Variants in DENND5B observed in about 807,000 individuals in gnomAD.
DENND5B encodes the protein DENN domain containing 5B, also known as DENN domain-containing protein 5B.
DENND5B carries 34 observed loss-of-function variants against 140.6 expected under a neutral mutation model. The observed-to-expected ratio is 0.24, with a 90% CI of 0.18 to 0.32. The LOEUF (loss-of-function observed/expected upper bound fraction) is 0.32. Among genes scored for constraint, DENND5B ranks in the 10% least tolerant of loss-of-function variants. The probability of loss-of-function intolerance (pLI) is 1.00; values close to 1 mark genes in which losing one functional copy is unlikely to be tolerated. For missense variants in DENND5B, 1,142 were observed against 1,560.2 expected (o/e 0.73, Z 4.52); for synonymous variants, 551 against 562.1 (o/e 0.98, Z 0.28).
intron 3 of DENND5B, among the ~76,000 whole-genome samples, chr12:31,463,497 C>T (rs372326633): frequency 3.9e-5 from 6 of 151,962 alleles, no homozygotes; most frequent in African/African-American, 7.3e-5. Context: ...TATTTTTGAA[C>T]GAATAGATGA....
At chr12:31,414,878 CGA>C (rs1325490070) in intron 12 of DENND5B, among the ~76,000 whole-genome samples, 1 of 149,088 alleles carries the variant, frequency 6.7e-6, no homozygotes, top group Non-Finnish European at 1.5e-5. Context: ...GCTGAGATCA[CGA>C]CACTGCACTC....
rs149618191 is a variant in DENND5B at position 31,501,078 on chromosome 12, A to G, written c.128-5159T>C. ...TGGGGATGGGATACCTCAACAGAAAAAAGACTGATATGGTTTGGCTATGTC... is the reference window on the plus strand; with the variant it reads ...TGGGGATGGGATACCTCAACAGAAAGAAGACTGATATGGTTTGGCTATGTC... On this transcript the variant is annotated intron_variant, in intron 1 of 20. Transcript: ENST00000389082. 2.3e-3 allele frequency among the ~76,000 whole-genome samples: 348 copies of G among 152,276 alleles called. 4 individuals carry two copies. Among genetic ancestry groups the G allele is most frequent in the African/African-American group, 7.6e-3 (316 of 41,542 alleles).
intron 8 of DENND5B, 200 bp from the exon 9 acceptor site, chr12:31,426,624 T>G: frequency 2.0e-6 from 1 of 493,782 alleles, no homozygotes; most frequent in East Asian, 3.6e-5. Context: ...TTAACTCCTG[T>G]GAGAAGTAAA....
At chr12:31,411,222 G>C (rs1243372690) in intron 13 of DENND5B, among the ~76,000 whole-genome samples, 3 of 151,562 alleles carry the variant, frequency 2.0e-5, no homozygotes, top group Non-Finnish European at 4.4e-5. Context: ...ATTTTTAGTA[G>C]AGATGGGGTT....
chr12:31,387,529 G>C lies in DENND5B; in HGVS notation c.*74C>G. ...GCTGCCCCTGCAGTGACTCACTACT[G>C]TCAGACAAGTCCAAATCGGTCCCCT... On this transcript the variant is annotated 3_prime_UTR_variant, in exon 21 of 21. Transcript: ENST00000389082. 1 of 1,513,748 alleles carries C rather than the reference G, an allele frequency of 6.6e-7. No individual in the cohort carries two copies. Among genetic ancestry groups the C allele is most frequent in the East Asian group, 2.3e-5 (1 of 43,842 alleles). The allele number at this position is 1,513,748 out of a possible 1,614,324, so 93.8% of individuals were successfully genotyped here. A position where few individuals can be genotyped will look rare whatever the true frequency, so the allele number is the denominator to read the frequency against.
At chr12:31,389,179 G>A in intron 20 of DENND5B, 145 bp downstream of exon 20, 1 of 716,704 alleles carries the variant, frequency 1.4e-6, no homozygotes, top group Non-Finnish European at 2.1e-6. Flanking sequence ...CCTAGGCGAT[G>A]GAGTGAGACT....
At chr12:31,446,179 T>C (rs1049933390) in intron 6 of DENND5B, among the ~76,000 whole-genome samples, 6 of 152,062 alleles carry the variant, frequency 3.9e-5, no homozygotes, top group African/African-American at 1.4e-4. Flanking sequence ...GACGGAGTCT[T>C]GCTCTGTTGC....
intron 1 of DENND5B, among the ~76,000 whole-genome samples, chr12:31,513,682 G>T (rs1947510706): frequency 6.6e-6 from 1 of 151,920 alleles, no homozygotes; most frequent in African/African-American, 2.4e-5. Context: ...GGGTTTTTGA[G>T]CACTTCCTTA....
intron 1 of DENND5B, among the ~76,000 whole-genome samples, chr12:31,567,526 A>G (rs865780703): frequency 2.3e-4 from 1 of 4,356 alleles, no homozygotes; most frequent in Non-Finnish European, 5.8e-4. Context: ...GACTCTGTCT[A>G]AAAAAAAAAA....
In DENND5B at chr12:31,544,015, C is replaced by G. The variant is rs967180201; in HGVS notation, c.127+46691G>C. ...CCTGTCTCTACTAAAAATACAAAAA[C>G]TAGTCAGGCATGGTGGCACAAGCCT... On this transcript the variant is annotated intron_variant, in intron 1 of 20. Coordinates refer to ENST00000389082, the MANE Select transcript of DENND5B (RefSeq NM_144973.4). Among the ~76,000 whole-genome samples, 4 of 152,122 alleles carry G rather than the reference C, an allele frequency of 2.6e-5. No individual in the cohort carries two copies. The South Asian group carries it at 8.3e-4, about 32-fold the overall frequency.
intron 14 of DENND5B, among the ~76,000 whole-genome samples, chr12:31,408,981 G>A (rs947490622): frequency 1.3e-5 from 2 of 152,160 alleles, no homozygotes; most frequent in Admixed American, 6.6e-5. Context: ...GGTGAGCTCC[G>A]GGACAGCCCT....
chr12:31,530,473 A>C (rs2139078624), intron 1 of DENND5B, among the ~76,000 whole-genome samples: 1 of 152,374 alleles, frequency 6.6e-6, no homozygotes, highest in East Asian at 1.9e-4. Flanking sequence ...ACATTTTTCT[A>C]GAAAGAAGGT....
At chr12:31,469,482 T>C (rs1225586351) in intron 3 of DENND5B, among the ~76,000 whole-genome samples, 1 of 152,214 alleles carries the variant, frequency 6.6e-6, no homozygotes, top group Non-Finnish European at 1.5e-5. Flanking sequence ...TCCATTTGGC[T>C]GTTTCTGAGT....
At chr12:31,429,448 ACCCAGGCTGGAGTGCAGTG>A (rs1943411500) in intron 8 of DENND5B, among the ~76,000 whole-genome samples, 1 of 152,034 alleles carries the variant, frequency 6.6e-6, no homozygotes, top group Non-Finnish European at 1.5e-5. Flanking sequence ...TCGTTCTGTC[ACCCAGGCTGGAGTGCAGTG>A]GCTCGGTCTT....
At chr12:31,388,828 T>C (rs568309625) in intron 20 of DENND5B, among the ~76,000 whole-genome samples, 26 of 152,314 alleles carry the variant, frequency 1.7e-4, no homozygotes, top group Admixed American at 1.6e-3. Context: ...TATAGTGGTA[T>C]ATATACACTA....
chr12:31,421,551 A>T (rs1409504011), intron 11 of DENND5B, among the ~76,000 whole-genome samples: 1 of 59,408 alleles, frequency 1.7e-5, no homozygotes, highest in Non-Finnish European at 4.1e-5. Flanking sequence ...ATATTCCTAT[A>T]AATATACATC....
intron 1 of DENND5B, among the ~76,000 whole-genome samples, chr12:31,503,992 A>C (rs1343349057): frequency 6.6e-6 from 1 of 152,236 alleles, no homozygotes; most frequent in Non-Finnish European, 1.5e-5. Flanking sequence ...ACTACACATA[A>C]GCAAAAATCA....
intron 1 of DENND5B, among the ~76,000 whole-genome samples, chr12:31,545,950 C>CAAAAAAAAAAAAAAAAAAAAAAAAAAAA (rs57460264): frequency 1.4e-4 from 5 of 36,394 alleles, no homozygotes; most frequent in Non-Finnish European, 1.8e-4. Context: ...GACACTGTCT[C>CAAAAAAAAAAAAAAAAAAAAAAAAAAAA]AAAAAAAAAA....
At chr12:31,508,036 T>C (rs1429072840) in intron 1 of DENND5B, among the ~76,000 whole-genome samples, 3 of 152,102 alleles carry the variant, frequency 2.0e-5, no homozygotes, top group African/African-American at 7.2e-5. Context: ...AACAAATCTT[T>C]CCCCATTACT....
Sources: allele counts gnomAD v4.1 joint callset (sites outside exome capture counted in the v4.1 genomes callset), GRCh38; gene constraint gnomAD v4.1.1; transcripts MANE v1.5; gene names NCBI Gene and HGNC (gene_info 2026-07-23, HGNC 2026-07-21).